OTUD7B: variants seen among roughly 807,000 people sequenced by gnomAD.
OTUD7B encodes the protein OTU domain-containing protein 7B.
Under a neutral mutation model 82.2 loss-of-function variants are expected in OTUD7B, and 34 were observed. The observed-to-expected ratio is 0.41, with a 90% CI of 0.31 to 0.55. The LOEUF is 0.55. Among genes scored for constraint, OTUD7B ranks in the 20% least tolerant of loss-of-function variants. The pLI, the probability that OTUD7B is intolerant of heterozygous loss-of-function variation, is 0.20. For synonymous variants in OTUD7B, 398 were observed against 402.7 expected (o/e 0.99, Z 0.14); for missense variants, 944 against 1,062.1 (o/e 0.89, Z 1.55).
chr1:150,032,733 G>A, the OTUD7B span, among the ~76,000 whole-genome samples: 1 of 152,020 alleles, frequency 6.6e-6, no homozygotes, highest in East Asian at 1.9e-4. Flanking sequence ...GAAGAAGAAA[G>A]TATACCATGA....
At chr1:149,976,842 C>T (rs1472422052) in intron 2 of OTUD7B, among the ~76,000 whole-genome samples, 3 of 151,776 alleles carry the variant, frequency 2.0e-5, no homozygotes, top group Non-Finnish European at 2.9e-5. Flanking sequence ...GCTTTTAGGC[C>T]GGGCACAGTG....
the OTUD7B span, among the ~76,000 whole-genome samples, chr1:150,045,651 G>T: frequency 6.6e-6 from 1 of 152,236 alleles, no homozygotes; most frequent in Non-Finnish European, 1.5e-5. Flanking sequence ...TTGCTTTCTT[G>T]TAACTTATGG....
chr1:149,951,399 T>C (rs782172403), intron 7 of OTUD7B, among the ~76,000 whole-genome samples: 2 of 152,168 alleles, frequency 1.3e-5, no homozygotes, highest in African/African-American at 4.8e-5. Context: ...CCACTACGCC[T>C]GGCCTTCCTG....
chr1:149,942,767 A>T lies in OTUD7B; in HGVS notation c.*1090T>A, dbSNP rs1162705334. 2.0e-5 allele frequency: 3 copies of T among 152,546 alleles called. No homozygotes were observed. Among genetic ancestry groups the T allele is most frequent in the Non-Finnish European group, 4.4e-5 (3 of 68,016 alleles). The allele number at this position is 152,546 out of a possible 1,614,324, so 9.4% of individuals were successfully genotyped here. On this transcript the variant is annotated 3_prime_UTR_variant, in exon 12 of 12. Coordinates refer to ENST00000581312, the MANE Select transcript of OTUD7B (RefSeq NM_020205.4). ...CAAAAGTAGAGCAAAGGGAGAAAGA[A>T]CCACTTAAGTAGGAGGAAAAAAAAT...
intron 6 of OTUD7B, chr1:149,960,783 T>G (rs1649099401): frequency 6.6e-6 from 1 of 151,970 alleles, no homozygotes; most frequent in African/African-American, 2.4e-5. Context: ...AGAACTCCTG[T>G]TTTTTCCCAA....
chr1:149,950,332 C>T (rs782638548), intron 7 of OTUD7B, 111 bp from the exon 8 acceptor site: 61 of 1,094,050 alleles, frequency 5.6e-5, no homozygotes, highest in Non-Finnish European at 7.9e-5. Context: ...AATGTCCTTT[C>T]CTGGTTTTCC....
intron 1 of OTUD7B, among the ~76,000 whole-genome samples, chr1:149,986,527 G>C (rs1056152447): frequency 2.0e-4 from 31 of 152,122 alleles, no homozygotes; most frequent in Non-Finnish European, 3.2e-4. Context: ...AGAAACTACT[G>C]ACCGTACATT....
chr1:150,026,014 G>T, the OTUD7B span, among the ~76,000 whole-genome samples: 2 of 152,350 alleles, frequency 1.3e-5, no homozygotes, highest in East Asian at 3.9e-4. Context: ...AACAGGACAA[G>T]TGACTACCAA....
intron 1 of OTUD7B, among the ~76,000 whole-genome samples, chr1:150,000,349 C>T (rs1001058389): frequency 6.6e-6 from 1 of 152,088 alleles, no homozygotes; most frequent in East Asian, 1.9e-4. Context: ...GTAGCGCGCA[C>T]CTGTAGTCCC....
chr1:150,019,425 T>A, the OTUD7B span, among the ~76,000 whole-genome samples: 2 of 152,162 alleles, frequency 1.3e-5, no homozygotes, highest in Admixed American at 6.5e-5. Flanking sequence ...TGGAGGTCAG[T>A]AGCACAATCT....
chr1:150,051,106 G>A, the OTUD7B span, among the ~76,000 whole-genome samples: 1 of 151,226 alleles, frequency 6.6e-6, no homozygotes, highest in Non-Finnish European at 1.5e-5. Flanking sequence ...GCAGGAGCCT[G>A]TAATCCCAGC....
intron 2 of OTUD7B, among the ~76,000 whole-genome samples, chr1:149,975,753 G>A (rs782654961): frequency 3.5e-4 from 54 of 152,178 alleles, no homozygotes; most frequent in Admixed American, 1.4e-3. Flanking sequence ...ATTAGGCTGG[G>A]CAGGGTGGCT....
intron 1 of OTUD7B, among the ~76,000 whole-genome samples, chr1:149,997,897 C>T (rs111995337): frequency 1.3e-5 from 2 of 152,106 alleles, no homozygotes; most frequent in East Asian, 1.9e-4. Context: ...ATCAAAAGAA[C>T]GGACGATACA....
the OTUD7B span, among the ~76,000 whole-genome samples, chr1:150,019,227 T>C: frequency 1.3e-5 from 2 of 152,200 alleles, no homozygotes; most frequent in Non-Finnish European, 2.9e-5. Flanking sequence ...TGACGTAAAC[T>C]ATTGTAAAGT....
upstream of OTUD7B, among the ~76,000 whole-genome samples, chr1:150,014,352 T>C (rs1391952889): frequency 6.8e-6 from 1 of 148,080 alleles, no homozygotes; most frequent in Non-Finnish European, 1.5e-5. Flanking sequence ...GGAACCATGA[T>C]TGCACCACTG....
chr1:150,025,849 A>G, the OTUD7B span, among the ~76,000 whole-genome samples: 2 of 152,188 alleles, frequency 1.3e-5, no homozygotes, highest in African/African-American at 4.8e-5. Flanking sequence ...CACATGAATT[A>G]CACAACTGAA....
At chr1:149,950,996 T>TTTTTTTTTTTG in intron 7 of OTUD7B, among the ~76,000 whole-genome samples, 1 of 362 alleles carries the variant, frequency 2.8e-3, no homozygotes. Context: ...TTTTTTTTTT[T>TTTTTTTTTTTG]TTTGTAGATG....
chr1:149,964,253 C>T lies in OTUD7B; in HGVS notation c.701G>A (p.Trp234Ter). The T allele has an allele frequency of 6.2e-7, 1 of 1,613,804 alleles. No homozygotes were observed. Among genetic ancestry groups the T allele is most frequent in the Non-Finnish European group, 8.5e-7 (1 of 1,180,026 alleles). ...ATTCTGCTGTGTCTGCTGCCACCTC[C>T]AGCGCCTTTTCAACGCTTCCTTCTC... ...GVEKEALKRR[W>*]RWQQTQQNKE... The change falls in exon 6 of 12, where the codon TGG becomes TAG. Residue 234 changes from tryptophan (W) to a stop codon, truncating the protein, a stop_gained. Transcript: ENST00000581312. LOFTEE classifies it high-confidence loss of function.
intron 1 of OTUD7B, among the ~76,000 whole-genome samples, chr1:149,982,841 CTT>C (rs34122678): frequency 0.06 from 5,045 of 83,990 alleles, 206 homozygotes; most frequent in Non-Finnish European, 0.08. Context: ...TCCTCTCTTA[CTT>C]TTTTTTTTTT....
Sources: allele counts gnomAD v4.1 joint callset (sites outside exome capture counted in the v4.1 genomes callset), GRCh38; gene constraint gnomAD v4.1.1; transcripts MANE v1.5; gene names NCBI Gene and HGNC (gene_info 2026-07-23, HGNC 2026-07-21).